EXT1: variants seen among roughly 807,000 people sequenced by gnomAD.
The protein encoded by EXT1 is exostosin-1.
EXT1 carries 20 observed loss-of-function variants against 82.5 expected under a neutral mutation model. The observed-to-expected ratio is 0.24, with a 90% CI of 0.17 to 0.35. The LOEUF is 0.35. EXT1 is among the 10% of genes least tolerant of loss of function. The pLI is 1.00. For missense variants in EXT1, 757 were observed against 936.5 expected (o/e 0.81, Z 2.50); for synonymous variants, 348 against 350.8 (o/e 0.99, Z 0.09).
intron 1 of EXT1, among the ~76,000 whole-genome samples, chr8:117,905,602 G>A (rs1813528415): frequency 6.6e-6 from 1 of 152,148 alleles, no homozygotes; most frequent in Admixed American, 6.6e-5. Flanking sequence ...CACGAGGTCA[G>A]GAGATCGAGA....
intron 1 of EXT1, among the ~76,000 whole-genome samples, chr8:118,035,528 C>CA (rs989516770): frequency 4.0e-5 from 6 of 151,360 alleles, no homozygotes; most frequent in South Asian, 2.1e-4. Context: ...AAAGGTATTT[C>CA]AAAAAAAACA....
chr8:118,058,762 G>A (rs1034273762), intron 1 of EXT1, among the ~76,000 whole-genome samples: 1 of 152,062 alleles, frequency 6.6e-6, no homozygotes, highest in African/African-American at 2.4e-5. Context: ...GATATGATAG[G>A]TATAGATCTA....
At chr8:118,026,520 C>T (rs953659293) in intron 1 of EXT1, among the ~76,000 whole-genome samples, 7 of 152,006 alleles carry the variant, frequency 4.6e-5, no homozygotes, top group Non-Finnish European at 8.8e-5. Context: ...TTTGAGATTT[C>T]GCCCTGAGAT....
intron 1 of EXT1, among the ~76,000 whole-genome samples, chr8:117,941,910 A>C (rs1363675239): frequency 6.6e-6 from 1 of 152,184 alleles, no homozygotes; most frequent in Non-Finnish European, 1.5e-5. Context: ...GAATGCCATG[A>C]CTGTCACTGC....
intron 8 of EXT1, 69 bp downstream of exon 8, chr8:117,812,803 T>C: frequency 7.4e-7 from 1 of 1,354,594 alleles, no homozygotes; most frequent in Non-Finnish European, 1.1e-6. Flanking sequence ...AAAAGAAGCA[T>C]TAGCATCGTG....
intron 1 of EXT1, among the ~76,000 whole-genome samples, chr8:117,986,755 T>C (rs543797733): frequency 1.3e-5 from 2 of 152,174 alleles, no homozygotes; most frequent in Non-Finnish European, 2.9e-5. Context: ...TGCATCCCCA[T>C]AGCATGGAAA....
chr8:118,106,214 CA>C (rs1817800967), intron 1 of EXT1, among the ~76,000 whole-genome samples: 1 of 152,200 alleles, frequency 6.6e-6, no homozygotes, highest in South Asian at 2.1e-4. Flanking sequence ...AAGTTTTCAT[CA>C]GATTACTGAA....
chr8:117,949,592 T>C (rs1814453462), intron 1 of EXT1, among the ~76,000 whole-genome samples: 1 of 151,056 alleles, frequency 6.6e-6, no homozygotes, highest in Non-Finnish European at 1.5e-5. Flanking sequence ...AGCTTCATTG[T>C]GAATCATTTG....
Position 118,072,337 on chromosome 8 carries a change from A to C in EXT1, c.962+37748T>G, listed in dbSNP as rs1817110403. Among the ~76,000 whole-genome samples the C allele has an allele frequency of 2.0e-5, 3 of 152,218 alleles. No individual in the cohort carries two copies. In the South Asian group the frequency reaches 6.2e-4, roughly 31 times the overall value. ...TGGATGTATGAAACCATTCTGATTT[A>C]GGAAACTGATTTAGGACATTAGAAA... On this transcript the variant is annotated intron_variant, in intron 1 of 10. Coordinates refer to ENST00000378204, the MANE Select transcript of EXT1 (RefSeq NM_000127.3).
intron 1 of EXT1, among the ~76,000 whole-genome samples, chr8:117,889,300 G>A (rs1202441099): frequency 6.6e-6 from 1 of 152,136 alleles, no homozygotes; most frequent in African/African-American, 2.4e-5. Context: ...TGAGTTTTCT[G>A]TCACTCCTAG....
At chr8:117,849,215 G>A (rs1240002728) in intron 1 of EXT1, among the ~76,000 whole-genome samples, 3 of 152,186 alleles carry the variant, frequency 2.0e-5, no homozygotes, top group Admixed American at 2.0e-4. Context: ...CTCTCTTTCT[G>A]TTGCCCTGTT....
At position 118,107,460 on chromosome 8, in the gene EXT1, G is replaced by C. The variant is rs188701752; in HGVS notation, c.962+2625C>G. Among the ~76,000 whole-genome samples, 17 of 152,326 alleles carry C rather than the reference G, an allele frequency of 1.1e-4. No homozygotes were observed. In the East Asian group the frequency reaches 2.9e-3, roughly 26 times the overall value. ...AAAGTCACACCATGAGTCAGTATGA[G>C]AAGTCAAACTTACACAGATCACGTC... On this transcript the variant is annotated intron_variant, in intron 1 of 10. Coordinates refer to ENST00000378204, the MANE Select transcript of EXT1 (RefSeq NM_000127.3).
intron 1 of EXT1, among the ~76,000 whole-genome samples, chr8:117,840,600 G>A (rs1391967941): frequency 1.4e-4 from 21 of 145,426 alleles, no homozygotes; most frequent in Non-Finnish European, 2.7e-4. Context: ...CAACAAGAGC[G>A]AAACTCTATC....
intron 1 of EXT1, among the ~76,000 whole-genome samples, chr8:117,973,330 C>T (rs1365970172): frequency 1.2e-4 from 18 of 152,110 alleles, no homozygotes; most frequent in Admixed American, 1.2e-3. Flanking sequence ...ATTGGTTGAT[C>T]CTCAGTGTGG....
chr8:118,107,196 T>C (rs1817816086), intron 1 of EXT1, among the ~76,000 whole-genome samples: 1 of 152,178 alleles, frequency 6.6e-6, no homozygotes, highest in Non-Finnish European at 1.5e-5. Flanking sequence ...CATAATACCA[T>C]AAATTTTCAA....
chr8:118,010,638 TTAGG>T (rs1387727053), intron 1 of EXT1, among the ~76,000 whole-genome samples: 251 of 152,286 alleles, frequency 1.6e-3, no homozygotes, highest in African/African-American at 5.8e-3. Context: ...TTCAGGTCCT[TTAGG>T]AGCATGTTTA....
chr8:117,865,335 T>A (rs1384540549), intron 1 of EXT1, among the ~76,000 whole-genome samples: 1 of 152,176 alleles, frequency 6.6e-6, no homozygotes, highest in Non-Finnish European at 1.5e-5. Context: ...ATCTGCCTAA[T>A]TTTTTAAAGG....
Position 118,012,945 on chromosome 8 carries a change from T to C in EXT1, c.962+97140A>G, listed in dbSNP as rs1337532740. Among the ~76,000 whole-genome samples the C allele has an allele frequency of 1.3e-5, 2 of 152,206 alleles. 1 individual carries two copies. The highest frequency in any genetic ancestry group is 4.1e-4 in the South Asian group (2 of 4,834). On this transcript the variant is annotated intron_variant, in intron 1 of 10. Transcript: ENST00000378204. ...TTCTATCGTTAGTAAGGCAACTAACTGGCTCTCACTCCTTCGTCTCTAAAA... is the reference window on the plus strand; with the variant it reads ...TTCTATCGTTAGTAAGGCAACTAACCGGCTCTCACTCCTTCGTCTCTAAAA...
At chr8:118,087,990 CT>C (rs1453002297) in intron 1 of EXT1, among the ~76,000 whole-genome samples, 13 of 149,390 alleles carry the variant, frequency 8.7e-5, no homozygotes, top group African/African-American at 3.0e-4. Flanking sequence ...AAGAGAACTG[CT>C]TTTAATTAAA....
Sources: allele counts gnomAD v4.1 joint callset (sites outside exome capture counted in the v4.1 genomes callset), GRCh38; gene constraint gnomAD v4.1.1; transcripts MANE v1.5; gene names NCBI Gene and HGNC (gene_info 2026-07-23, HGNC 2026-07-21).